The following KIAA1328 variants were observed in gnomAD, a reference collection of about 807,000 sequenced individuals.
The protein encoded by KIAA1328 is KIAA1328.
A neutral mutation model predicts 68.1 loss-of-function variants in KIAA1328; 52 were observed. That is an observed-to-expected ratio of 0.76 (90% CI 0.61 to 0.96). KIAA1328 has a LOEUF of 0.96. Among genes scored for constraint, KIAA1328 ranks in the 40% least tolerant of loss-of-function variants. KIAA1328 has a pLI of 0.00. For missense variants in KIAA1328, 641 were observed against 677.6 expected (o/e 0.95, Z 0.60); for synonymous variants, 232 against 239.4 (o/e 0.97, Z 0.28).
chr18:37,126,850 A>G (rs2058403424), intron 7 of KIAA1328, among the ~76,000 whole-genome samples: 1 of 152,178 alleles, frequency 6.6e-6, no homozygotes, highest in African/African-American at 2.4e-5. Flanking sequence ...AAACCACCTG[A>G]TTTGTTTCAA....
At chr18:37,056,452 C>A (rs931792221) in intron 6 of KIAA1328, among the ~76,000 whole-genome samples, 1 of 151,496 alleles carries the variant, frequency 6.6e-6, no homozygotes, top group African/African-American at 2.4e-5. Context: ...TCATTAGTTT[C>A]TTTTATCTAG....
Position 37,224,206 on chromosome 18 carries a change from A to T in KIAA1328, c.*1979A>T. Reference sequence around the variant, plus strand: ...CCATGCCCACAGTCACCCATTCCAGACTCCAGTGTCCTTAAAACTCTGGAG... The same window carrying T: ...CCATGCCCACAGTCACCCATTCCAGTCTCCAGTGTCCTTAAAACTCTGGAG... On this transcript the variant is annotated 3_prime_UTR_variant, in exon 10 of 10. Transcript: ENST00000280020. 1.0e-6 allele frequency: 1 copy of T among 985,284 alleles called. No individual in the cohort carries two copies. The highest frequency in any genetic ancestry group is 1.2e-6 in the Non-Finnish European group (1 of 829,902). The allele number at this position is 985,284 out of a possible 1,614,324, so 61.0% of individuals were successfully genotyped here.
chr18:37,022,046 T>A (rs957836250), intron 6 of KIAA1328, among the ~76,000 whole-genome samples: 13 of 151,210 alleles, frequency 8.6e-5, no homozygotes, highest in African/African-American at 2.9e-4. Context: ...TCTCATAAAT[T>A]AATTAATTAA....
At chr18:37,006,592 T>C (rs897222968) in intron 6 of KIAA1328, among the ~76,000 whole-genome samples, 1 of 152,106 alleles carries the variant, frequency 6.6e-6, no homozygotes, top group Non-Finnish European at 1.5e-5. Flanking sequence ...TTGTTACATA[T>C]GTATACGTGT....
Position 37,224,797 on chromosome 18 carries a change from T to C in KIAA1328, c.*2570T>C. The C allele has an allele frequency of 1.0e-6, 1 of 985,438 alleles. No individual in the cohort carries two copies. Among genetic ancestry groups the C allele is most frequent in the Non-Finnish European group, 1.2e-6 (1 of 829,960 alleles). The allele number at this position is 985,438 out of a possible 1,614,324, so 61.0% of individuals were successfully genotyped here. On this transcript the variant is annotated 3_prime_UTR_variant, in exon 10 of 10. Coordinates refer to ENST00000280020, the MANE Select transcript of KIAA1328 (RefSeq NM_020776.3). The stretch of plus-strand genomic sequence containing the variant: ...AAGACTGGACACATGCCGAGGGCGT[T>C]GCGGATAGTGCCTCACCATTGCCCA...
chr18:37,139,195 C>A (rs528723660), intron 7 of KIAA1328, among the ~76,000 whole-genome samples: 1 of 152,078 alleles, frequency 6.6e-6, no homozygotes, highest in East Asian at 1.9e-4. Flanking sequence ...GATCTCCTGA[C>A]CTCGTGATCT....
chr18:36,985,895 G>C (rs182003236), intron 6 of KIAA1328, among the ~76,000 whole-genome samples: 15 of 152,210 alleles, frequency 9.9e-5, no homozygotes, highest in Non-Finnish European at 1.8e-4. Flanking sequence ...TTAGGAAAAT[G>C]AATATTAAAA....
chr18:36,830,888 A>C (rs76871952), intron 1 of KIAA1328, among the ~76,000 whole-genome samples: 4,616 of 152,286 alleles, frequency 0.03, 244 homozygotes, highest in African/African-American at 0.11. Context: ...TGCTAGTGTC[A>C]CCTTTCCCCT....
At chr18:37,211,581 C>G (rs1326397298) in intron 9 of KIAA1328, among the ~76,000 whole-genome samples, 1 of 152,156 alleles carries the variant, frequency 6.6e-6, no homozygotes, top group Non-Finnish European at 1.5e-5. Context: ...CTGCCTGGAC[C>G]TAGTTTAAGT....
chr18:36,908,480 C>T (rs2049303897), intron 5 of KIAA1328, among the ~76,000 whole-genome samples: 1 of 152,096 alleles, frequency 6.6e-6, no homozygotes, highest in Non-Finnish European at 1.5e-5. Context: ...GATAGGACTA[C>T]AGTTGCGTGT....
intron 7 of KIAA1328, among the ~76,000 whole-genome samples, chr18:37,120,948 G>C (rs182012192): frequency 2.6e-4 from 39 of 152,166 alleles, no homozygotes; most frequent in Admixed American, 2.4e-3. Context: ...TCTTAAGTGG[G>C]CAAAAGCACT....
intron 6 of KIAA1328, among the ~76,000 whole-genome samples, chr18:37,030,349 ATTG>A (rs1288219596): frequency 6.6e-6 from 1 of 151,930 alleles, no homozygotes; most frequent in African/African-American, 2.4e-5. Flanking sequence ...GCTATATTTT[ATTG>A]TTTTAATTTT....
chr18:37,082,133 C>G (rs1025971265), intron 7 of KIAA1328, among the ~76,000 whole-genome samples: 2 of 140,694 alleles, frequency 1.4e-5, no homozygotes, highest in Non-Finnish European at 3.1e-5. Flanking sequence ...TTTTATATAT[C>G]TTTACTAAGC....
At chr18:36,960,670 CAG>C (rs1327639446) in intron 6 of KIAA1328, among the ~76,000 whole-genome samples, 1 of 152,182 alleles carries the variant, frequency 6.6e-6, no homozygotes, top group African/African-American at 2.4e-5. Context: ...CCCAGGCAAA[CAG>C]GGTCTGGAGT....
chr18:36,904,464 CATT>C (rs1453625243), intron 5 of KIAA1328, among the ~76,000 whole-genome samples: 6 of 152,042 alleles, frequency 3.9e-5, no homozygotes, highest in African/African-American at 1.4e-4. Context: ...ACCCCTTTAT[CATT>C]ATGAAATTAC....
At chr18:37,054,230 TC>T (rs1170005349) in intron 6 of KIAA1328, among the ~76,000 whole-genome samples, 3 of 151,950 alleles carry the variant, frequency 2.0e-5, no homozygotes, top group Non-Finnish European at 4.4e-5. Context: ...AATTAGTTCA[TC>T]CCCTATGGAA....
chr18:37,097,549 T>C (rs1475538015), intron 7 of KIAA1328, among the ~76,000 whole-genome samples: 2 of 151,990 alleles, frequency 1.3e-5, no homozygotes, highest in Non-Finnish European at 2.9e-5. Context: ...ATTGACTTGG[T>C]AATGTGGGCT....
intron 7 of KIAA1328, among the ~76,000 whole-genome samples, chr18:37,083,474 G>A (rs2057009978): frequency 2.0e-5 from 3 of 152,306 alleles, no homozygotes; most frequent in South Asian, 2.1e-4. Flanking sequence ...CTTAAAAGCC[G>A]AGAGAATAAG....
chr18:36,925,448 C>A (rs1056375311), intron 5 of KIAA1328, among the ~76,000 whole-genome samples: 5 of 152,018 alleles, frequency 3.3e-5, no homozygotes, highest in African/African-American at 1.2e-4. Flanking sequence ...AAATTTGGAA[C>A]CTTTTCTTTT....
Sources: gnomAD v4.1 joint callset for allele counts (sites outside exome capture counted in the v4.1 genomes callset) on GRCh38, gnomAD v4.1.1 for gene constraint, MANE v1.5 for transcripts, NCBI Gene and HGNC (gene_info 2026-07-23, HGNC 2026-07-21) for gene names.